The following DIP2B variants were observed in gnomAD, a reference collection of about 807,000 sequenced individuals.
DIP2B encodes disco-interacting protein 2 homolog B.
DIP2B carries 76 observed loss-of-function variants against 198.0 expected under a neutral mutation model. That is an observed-to-expected ratio of 0.38 (90% CI 0.32 to 0.46). The LOEUF is 0.46. DIP2B is among the 20% of genes least tolerant of loss of function. The pLI is 0.99. For missense variants in DIP2B, 1,559 were observed against 1,978.4 expected, an observed-to-expected ratio of 0.79 and a Z score of 4.02; for synonymous variants, 701 against 739.1, an observed-to-expected ratio of 0.95 and a Z score of 0.84.
chr12:50,601,659 A>T (rs1458297682), intron 1 of DIP2B, among the ~76,000 whole-genome samples: 1 of 152,106 alleles, frequency 6.6e-6, no homozygotes, highest in Non-Finnish European at 1.5e-5. Context: ...TTTATGTAAA[A>T]TATTTTACAT....
chr12:50,643,688 G>C (rs1306261818), intron 3 of DIP2B, among the ~76,000 whole-genome samples: 15 of 152,100 alleles, frequency 9.9e-5, no homozygotes, highest in Admixed American at 9.2e-4. Context: ...TTGAGTCTCT[G>C]AGAATTCTGG....
At chr12:50,513,937 G>A (rs940209870) in intron 1 of DIP2B, among the ~76,000 whole-genome samples, 1 of 151,316 alleles carries the variant, frequency 6.6e-6, no homozygotes, top group Non-Finnish European at 1.5e-5. Flanking sequence ...ACCAGCCTCC[G>A]TGAGTCCTCT....
chr12:50,653,794 T>G (rs1938506620), intron 3 of DIP2B, among the ~76,000 whole-genome samples: 1 of 152,198 alleles, frequency 6.6e-6, no homozygotes, highest in Non-Finnish European at 1.5e-5. Context: ...AACAACTCAT[T>G]TGTTGATTTT....
At chr12:50,554,757 GC>G (rs1958455166) in intron 1 of DIP2B, among the ~76,000 whole-genome samples, 2 of 150,888 alleles carry the variant, frequency 1.3e-5, no homozygotes, top group African/African-American at 4.9e-5. Context: ...ACATCTCGCC[GC>G]TCCCCCCCCG....
chr12:50,531,146 C>T (rs1354695804), intron 1 of DIP2B, among the ~76,000 whole-genome samples: 1 of 152,124 alleles, frequency 6.6e-6, no homozygotes. Context: ...TCTGGGTTCA[C>T]GCCATTCTCC....
chr12:50,736,654 T>A (rs1216028593), intron 34 of DIP2B, among the ~76,000 whole-genome samples: 1 of 152,148 alleles, frequency 6.6e-6, no homozygotes, highest in East Asian at 1.9e-4. Context: ...CTGCTGCCCT[T>A]TCTGTTTTAA....
In DIP2B at chr12:50,737,644, T is replaced by G. The variant is rs199761339; in HGVS notation, c.4176+534T>G. The stretch of plus-strand genomic sequence containing the variant: ...TTTATTTGAGACAGTCTCACTCTGT[T>G]GCCCAGGCTGGGCTTACTGCAACCT... On this transcript the variant is annotated intron_variant, in intron 35 of 37. Coordinates refer to ENST00000301180, the MANE Select transcript of DIP2B (RefSeq NM_173602.3). Among the ~76,000 whole-genome samples the G allele has an allele frequency of 2.0e-5, 3 of 152,170 alleles. No individual in the cohort carries two copies. The East Asian group carries it at 5.8e-4, about 29-fold the overall frequency.
chr12:50,532,085 C>A (rs1389728047), intron 1 of DIP2B, among the ~76,000 whole-genome samples: 1 of 152,102 alleles, frequency 6.6e-6, no homozygotes, highest in African/African-American at 2.4e-5. Context: ...TTCAGGATGC[C>A]AGGAATGACT....
intron 19 of DIP2B, among the ~76,000 whole-genome samples, chr12:50,699,800 C>CTGCA (rs1939385142): frequency 6.6e-6 from 1 of 151,462 alleles, no homozygotes; most frequent in Non-Finnish European, 1.5e-5. Flanking sequence ...GAGTTCAAGG[C>CTGCA]TGCAGTGAGC....
chr12:50,666,658 G>T (rs1938759001), intron 4 of DIP2B, among the ~76,000 whole-genome samples: 1 of 152,140 alleles, frequency 6.6e-6, no homozygotes, highest in Admixed American at 6.6e-5. Flanking sequence ...TTGCAAGCTG[G>T]AATTAAGATC....
intron 1 of DIP2B, among the ~76,000 whole-genome samples, chr12:50,588,079 C>T (rs1228983639): frequency 6.6e-6 from 1 of 152,098 alleles, no homozygotes; most frequent in African/African-American, 2.4e-5. Flanking sequence ...GAACTCCAAC[C>T]TTGAAATAAC....
intron 1 of DIP2B, among the ~76,000 whole-genome samples, chr12:50,539,632 A>AG (rs1958302154): frequency 6.6e-6 from 1 of 151,488 alleles, no homozygotes; most frequent in Non-Finnish European, 1.5e-5. Flanking sequence ...AAAAAAAAAA[A>AG]AAGTATCCAC....
chr12:50,513,633 G>A (rs1284976204), intron 1 of DIP2B, among the ~76,000 whole-genome samples: 1 of 152,142 alleles, frequency 6.6e-6, no homozygotes, highest in East Asian at 1.9e-4. Flanking sequence ...CAATACTTTG[G>A]GAGGCTGAGG....
chr12:50,602,893 G>A (rs1213274967), intron 1 of DIP2B, among the ~76,000 whole-genome samples: 8 of 146,456 alleles, frequency 5.5e-5, no homozygotes, highest in South Asian at 2.2e-4. Context: ...GGCGGGGCGC[G>A]GTGGCTCACG....
intron 2 of DIP2B, among the ~76,000 whole-genome samples, chr12:50,627,340 A>T (rs1041510997): frequency 5.4e-5 from 8 of 148,458 alleles, no homozygotes; most frequent in Admixed American, 3.4e-4. Flanking sequence ...ACTATGAGAA[A>T]TTTTTTTTTT....
intron 4 of DIP2B, among the ~76,000 whole-genome samples, chr12:50,669,084 C>T (rs934873797): frequency 2.6e-5 from 4 of 152,068 alleles, no homozygotes; most frequent in African/African-American, 9.7e-5. Context: ...AGTCTTTGCT[C>T]TATGTACAAA....
chr12:50,632,083 G>A (rs150939538), intron 2 of DIP2B, among the ~76,000 whole-genome samples: 36 of 151,012 alleles, frequency 2.4e-4, no homozygotes, highest in African/African-American at 8.0e-4. Context: ...TCCCGCCTCC[G>A]CCTTCCAAAA....
chr12:50,510,972 G>T (rs1437322240), intron 1 of DIP2B, among the ~76,000 whole-genome samples: 3 of 132,416 alleles, frequency 2.3e-5, no homozygotes, highest in South Asian at 2.4e-4. Flanking sequence ...TTGAGACGGA[G>T]TCTCTCCCTG....
intron 19 of DIP2B, 94 bp from the exon 20 acceptor site, chr12:50,704,046 T>C: frequency 9.8e-7 from 1 of 1,023,060 alleles, no homozygotes; most frequent in Non-Finnish European, 1.5e-6. Context: ...CATTATTTTT[T>C]CACTGAGCAT....
Sources: allele counts gnomAD v4.1 joint callset (sites outside exome capture counted in the v4.1 genomes callset), GRCh38; gene constraint gnomAD v4.1.1; transcripts MANE v1.5; gene names NCBI Gene and HGNC (gene_info 2026-07-23, HGNC 2026-07-21).